MGAT4C: variants seen among roughly 807,000 people sequenced by gnomAD.
MGAT4C encodes the protein MGAT4 family member C, also known as alpha-1,3-mannosyl-glycoprotein 4-beta-N-acetylglucosaminyltransferase C.
A neutral mutation model predicts 40.1 loss-of-function variants in MGAT4C; 19 were observed. The ratio of observed to expected loss-of-function variants is 0.47; its 90% CI spans 0.33 to 0.70. The LOEUF (loss-of-function observed/expected upper bound fraction) is 0.70, where lower values mean the gene tolerates loss of function less well. Ranked by LOEUF, MGAT4C falls within the 30% of genes least tolerant of loss-of-function variation. The pLI is 0.02. For missense variants in MGAT4C, 491 were observed against 563.2 expected, an observed-to-expected ratio of 0.87 and a Z score of 1.30; for synonymous variants, 181 against 187.1, an observed-to-expected ratio of 0.97 and a Z score of 0.27.
chr12:86,270,160 G>A (rs2136106836), intron 4 of MGAT4C, among the ~76,000 whole-genome samples: 1 of 152,160 alleles, frequency 6.6e-6, no homozygotes, highest in East Asian at 1.9e-4. Context: ...TCTGCCCCCT[G>A]GGTTCAAGAG....
intron 4 of MGAT4C, among the ~76,000 whole-genome samples, chr12:86,309,568 T>A (rs936524263): frequency 6.6e-6 from 1 of 152,174 alleles, no homozygotes; most frequent in Non-Finnish European, 1.5e-5. Flanking sequence ...TCATGCGGGC[T>A]CTGCCCTCAT....
intron 2 of MGAT4C, among the ~76,000 whole-genome samples, chr12:86,639,022 T>C (rs1963303337): frequency 6.6e-6 from 1 of 151,832 alleles, no homozygotes; most frequent in South Asian, 2.1e-4. Flanking sequence ...GTTTTGCAGA[T>C]ATAAATATTA....
intron 2 of MGAT4C, among the ~76,000 whole-genome samples, chr12:86,489,446 C>T (rs946095741): frequency 6.6e-6 from 1 of 152,206 alleles, no homozygotes; most frequent in African/African-American, 2.4e-5. Flanking sequence ...GGCTGTCACA[C>T]TAGCCCTTTC....
chr12:86,210,357 A>T lies in MGAT4C; in HGVS notation c.-57+45882T>A, dbSNP rs116435146. Among the ~76,000 whole-genome samples the T allele has an allele frequency of 2.1e-3, 316 of 152,326 alleles. 1 individual carries two copies. Among genetic ancestry groups the T allele is most frequent in the African/African-American group, 7.2e-3 (299 of 41,570 alleles). On this transcript the variant is annotated intron_variant, in intron 1 of 4. Transcript: ENST00000611864. ...ACAATAATGTCTAGAAATGAAGTAA[A>T]CAAAAGTGTGCATAACACATTATTT...
chr12:86,312,009 TAAAA>T (rs1481331744), intron 4 of MGAT4C, among the ~76,000 whole-genome samples: 1 of 150,416 alleles, frequency 6.6e-6, no homozygotes, highest in Non-Finnish European at 1.5e-5. Context: ...AAATAGAAAA[TAAAA>T]AACACCACAG....
chr12:86,767,502 C>T (rs1278508675), intron 1 of MGAT4C, among the ~76,000 whole-genome samples: 1 of 152,096 alleles, frequency 6.6e-6, no homozygotes, highest in African/African-American at 2.4e-5. Context: ...GGGAATCCTC[C>T]CTAACTCATT....
intron 3 of MGAT4C, among the ~76,000 whole-genome samples, chr12:86,357,692 C>T (rs1290332138): frequency 6.6e-6 from 1 of 152,082 alleles, no homozygotes; most frequent in Non-Finnish European, 1.5e-5. Context: ...GTACAAGCTT[C>T]AGTAGCCTAT....
chr12:86,801,334 C>T (rs1170670504), intron 1 of MGAT4C, among the ~76,000 whole-genome samples: 1 of 151,738 alleles, frequency 6.6e-6, no homozygotes, highest in Non-Finnish European at 1.5e-5. Flanking sequence ...AGGAGAATAT[C>T]GAGAGCGTGT....
chr12:85,996,646 A>G (rs1886655186), intron 2 of MGAT4C, among the ~76,000 whole-genome samples: 1 of 152,200 alleles, frequency 6.6e-6, no homozygotes, highest in Non-Finnish European at 1.5e-5. Context: ...TGGGTATATT[A>G]ATATAATACA....
At chr12:86,504,227 C>T (rs1269467461) in intron 2 of MGAT4C, among the ~76,000 whole-genome samples, 2 of 152,054 alleles carry the variant, frequency 1.3e-5, no homozygotes, top group African/African-American at 2.4e-5. Flanking sequence ...TATTTGAACC[C>T]TGTCATTATC....
intron 2 of MGAT4C, among the ~76,000 whole-genome samples, chr12:86,543,287 T>C (rs1959177405): frequency 1.3e-5 from 2 of 151,320 alleles, no homozygotes; most frequent in Non-Finnish European, 3.0e-5. Context: ...AGTATAATAA[T>C]CATATATTAT....
At chr12:86,833,709 T>G (rs192392588) in intron 1 of MGAT4C, among the ~76,000 whole-genome samples, 66 of 152,086 alleles carry the variant, frequency 4.3e-4, no homozygotes, top group African/African-American at 1.6e-3. Context: ...CTTCAATATA[T>G]GAAATTTAGG....
chr12:86,617,923 C>A (rs1359337294), intron 2 of MGAT4C, among the ~76,000 whole-genome samples: 1 of 152,036 alleles, frequency 6.6e-6, no homozygotes, highest in African/African-American at 2.4e-5. Flanking sequence ...GAAATACTTG[C>A]AAACTATTCA....
At position 86,412,552 on chromosome 12, in the gene MGAT4C, G is replaced by A. The variant is rs1469035825; in HGVS notation, c.-120+22605C>T. 2.0e-5 allele frequency among the ~76,000 whole-genome samples: 3 copies of A among 152,154 alleles called. No homozygotes were observed. The East Asian group carries it at 5.8e-4, about 29-fold the overall frequency. On this transcript the variant is annotated intron_variant, in intron 3 of 7. Coordinates refer to the MGAT4C transcript ENST00000548651. ...CTGATTTTTCTTTTTTGGAATGGGA[G>A]TATTTAACCAATGCCTGTACCCACA...
At chr12:86,751,689 G>T (rs2136141924) in intron 1 of MGAT4C, among the ~76,000 whole-genome samples, 1 of 152,036 alleles carries the variant, frequency 6.6e-6, no homozygotes, top group African/African-American at 2.4e-5. Flanking sequence ...TGGTTTCTTA[G>T]AAAATTCAAA....
Position 86,741,924 on chromosome 12 carries a change from AC to A in MGAT4C, c.-261-14684del, listed in dbSNP as rs1326351624. Among the ~76,000 whole-genome samples the A allele has an allele frequency of 2.0e-5, 3 of 151,622 alleles. No homozygotes were observed. The East Asian group carries it at 5.8e-4, about 29-fold the overall frequency. ...TAAAAGTAAACAAGCAAAACAGTTT[AC>A]AAAATTGTTTTCTGTATTGTATTTA... On this transcript the variant is annotated intron_variant, in intron 1 of 7. Coordinates refer to the MGAT4C transcript ENST00000548651.
At position 86,730,676 on chromosome 12, in the gene MGAT4C, TTAAAGG is replaced by T. The variant is rs1206955631; in HGVS notation, c.-261-3441_-261-3436del. Among the ~76,000 whole-genome samples, 5 of 152,098 alleles carry T rather than the reference TTAAAGG, an allele frequency of 3.3e-5. No individual in the cohort carries two copies. In the South Asian group the frequency reaches 6.2e-4, roughly 19 times the overall value. The stretch of plus-strand genomic sequence containing the variant: ...TCTCCTGCTATTGCAGAATATTTCA[TTAAAGG>T]TAAATTTCCAGTAAAATACTGCTGT... On this transcript the variant is annotated intron_variant, in intron 1 of 7. Transcript: ENST00000548651.
chr12:86,744,873 A>G (rs763515701), intron 1 of MGAT4C, among the ~76,000 whole-genome samples: 26 of 151,474 alleles, frequency 1.7e-4, no homozygotes, highest in Non-Finnish European at 3.5e-4. Context: ...AAGGATCCAA[A>G]CCCGACAATT....
At chr12:86,441,343 TTTA>T (rs1000725514) in intron 2 of MGAT4C, among the ~76,000 whole-genome samples, 67 of 149,930 alleles carry the variant, frequency 4.5e-4, no homozygotes, top group South Asian at 8.4e-4. Context: ...TATTATTATT[TTTA>T]TTATTATTAT....
Sources: gnomAD v4.1 joint callset for allele counts (sites outside exome capture counted in the v4.1 genomes callset) on GRCh38, gnomAD v4.1.1 for gene constraint, MANE v1.5 for transcripts, NCBI Gene and HGNC (gene_info 2026-07-23, HGNC 2026-07-21) for gene names.